SEMA3B: variants seen among roughly 807,000 people sequenced by gnomAD.
SEMA3B encodes semaphorin 3B, also known as semaphorin-3B.
Under a neutral mutation model 77.8 loss-of-function variants are expected in SEMA3B, and 71 were observed. The ratio of observed to expected loss-of-function variants is 0.91; its 90% CI spans 0.75 to 1.11. The LOEUF (loss-of-function observed/expected upper bound fraction) is 1.11. Among genes scored for constraint, SEMA3B ranks in the 50% most tolerant of loss-of-function variants. The pLI, the probability that SEMA3B is intolerant of heterozygous loss-of-function variation, is 0.00. For missense variants in SEMA3B, 968 were observed against 1,056.8 expected (o/e 0.92, Z 1.17); for synonymous variants, 470 against 452.9 (o/e 1.04, Z -0.48).
upstream of SEMA3B, among the ~76,000 whole-genome samples, chr3:50,265,543 G>A (rs1450669586): frequency 2.0e-5 from 3 of 152,230 alleles, no homozygotes; most frequent in African/African-American, 7.2e-5. Flanking sequence ...GGCCGTGGTA[G>A]GCCATGCCAC....
upstream of SEMA3B, among the ~76,000 whole-genome samples, chr3:50,265,072 G>A (rs1411985295): frequency 1.3e-5 from 2 of 152,200 alleles, no homozygotes; most frequent in African/African-American, 4.8e-5. Context: ...TTTCAAAAAA[G>A]GTGGGCCAGG....
At chr3:50,265,396 A>G (rs1553704324), upstream of SEMA3B, among the ~76,000 whole-genome samples, 2 of 152,118 alleles carry the variant, frequency 1.3e-5, no homozygotes, top group Non-Finnish European at 2.9e-5. Flanking sequence ...CCTTCCTCAG[A>G]TGGGTGTCCC....
In SEMA3B at chr3:50,274,191, AG is replaced by A. The variant is rs1205646556; in HGVS notation, c.1137+136del. On this transcript the variant is annotated intron_variant, in intron 10 of 16. Coordinates refer to ENST00000616701, the MANE Select transcript of SEMA3B (RefSeq NM_001290060.2). This position sits in a 1 kb window ranked among gnomAD's most constrained non-coding sequence, Gnocchi z 4.7. ...GGGAAAACGTTTCCATCATAAGACA[AG>A]GCTTGTTTCCCGCCTCTGACTTCCT... 3 of 1,436,504 alleles carry A rather than the reference AG, an allele frequency of 2.1e-6. No individual in the cohort carries two copies. The African/African-American group carries it at 4.3e-5, about 21-fold the overall frequency. 89.0% of individuals were successfully genotyped at this position (1,436,504 alleles called of 1,614,324 possible).
chr3:50,274,014 G>A lies in SEMA3B; in HGVS notation c.1094G>A (p.Trp365Ter). Reference protein sequence around the residue: ...FAHKEGPMHQWVSYQGRVPYP... With the variant: ...FAHKEGPMHQ ...CACAAGGAGGGGCCCATGCACCAGT[G>A]GGTGTCATACCAGGGTCGCGTCCCC... is the stretch of plus-strand genomic sequence containing the variant. Residue 365 changes from tryptophan (W) to a stop codon, truncating the protein, a stop_gained, in exon 10 of 17, where the codon TGG becomes TAG. Coordinates refer to ENST00000616701, the MANE Select transcript of SEMA3B (RefSeq NM_001290060.2). LOFTEE classifies it high-confidence loss of function. The surrounding 1 kb of genome is among the most constrained non-coding windows in gnomAD (Gnocchi z 4.7). The A allele has an allele frequency of 6.2e-7, 1 of 1,613,644 alleles. No individual in the cohort carries two copies. The highest frequency in any genetic ancestry group is 8.5e-7 in the Non-Finnish European group (1 of 1,179,780).
chr3:50,271,088 G>A lies in SEMA3B; in HGVS notation c.451G>A (p.Glu151Lys), dbSNP rs1553705272. 1 of 1,579,130 alleles carries A rather than the reference G, an allele frequency of 6.3e-7. No homozygotes were observed. The highest frequency in any genetic ancestry group is 2.3e-5 in the East Asian group (1 of 43,062). ...AFVEVGHRAE[E>K]PVLRLDPGRI... ...AGTCACAACTTGCCACACCTCCCAG[G>A]AGCCCGTCCTCCGGCTGGACCCAGG... The change falls in exon 5 of 17, where the codon GAG (glutamate) becomes AAG (lysine). Residue 151 changes from glutamate (E) to lysine (K), a missense_variant and splice_region_variant. Coordinates refer to ENST00000616701, the MANE Select transcript of SEMA3B (RefSeq NM_001290060.2).
chr3:50,273,780 C>T lies in SEMA3B; in HGVS notation c.944C>T (p.Ser315Leu). ...GCAGAGGATGTGTTTCTGTTGTCCT[C>T]GCGGGACCACCGGACCCCGCTGCTC... ...DQLQDVFLLS[S>L]RDHRTPLLYA... The change falls in exon 9 of 17, where the codon TCG becomes TTG. Residue 315 changes from serine (S) to leucine (L), a missense_variant. Ser to Leu is a moderately radical substitution (Grantham distance 145). Coordinates refer to ENST00000616701, the MANE Select transcript of SEMA3B (RefSeq NM_001290060.2). The surrounding 1 kb of genome is among the most constrained non-coding windows in gnomAD (Gnocchi z 6.5). 1.3e-6 allele frequency: 2 copies of T among 1,595,392 alleles called. No individual in the cohort carries two copies. The highest frequency in any genetic ancestry group is 1.7e-6 in the Non-Finnish European group (2 of 1,173,034).
Position 50,274,420 on chromosome 3 carries a change from A to G in SEMA3B, c.1195A>G (p.Ile399Val). ...SSTKDFPDDV[I>V]QFARNHPLMY... ...CACCAAGGACTTCCCAGACGATGTC[A>G]TCCAGTTTGCGCGGAACCACCCCCT... The change falls in exon 11 of 17, where the codon ATC (isoleucine) becomes GTC (valine). Residue 399 changes from isoleucine (I) to valine (V), a missense_variant. Transcript: ENST00000616701. This position sits in a 1 kb window ranked among gnomAD's most constrained non-coding sequence, Gnocchi z 4.7. The G allele has an allele frequency of 6.6e-7, 1 of 1,510,950 alleles. No homozygotes were observed. The highest frequency in any genetic ancestry group is 8.8e-7 in the Non-Finnish European group (1 of 1,130,330). The allele number at this position is 1,510,950 out of a possible 1,614,324, so 93.6% of individuals were successfully genotyped here. A position where few individuals can be genotyped will look rare whatever the true frequency, so the allele number is the denominator to read the frequency against.
Position 50,270,483 on chromosome 3 carries a change from GA to G in SEMA3B, c.320del (p.Lys107ArgfsTer8), listed in dbSNP as rs782162378. 6.2e-7 allele frequency: 1 copy of G among 1,613,612 alleles called. No homozygotes were observed. The highest frequency in any genetic ancestry group is 2.2e-5 in the East Asian group (1 of 44,878). ...GGCGAGAGGAGTGCAACTGGGCAGGGAAGGACATTGGTGTGAGTGCCAGCTG... is the reference window on the plus strand; with the variant it reads ...GGCGAGAGGAGTGCAACTGGGCAGGGAGGACATTGGTGTGAGTGCCAGCTG... ...EWREECNWAG[K>X]DIGTECMNFV... is the part of the protein sequence containing the mutation. On this transcript the variant is annotated frameshift_variant, in exon 3 of 17. Coordinates refer to ENST00000616701, the MANE Select transcript of SEMA3B (RefSeq NM_001290060.2). LOFTEE classifies it high-confidence loss of function. The surrounding 1 kb of genome is among the most constrained non-coding windows in gnomAD (Gnocchi z 4.7).
Position 50,275,177 on chromosome 3 carries a change from A to G in SEMA3B, c.1491+124A>G. The G allele has an allele frequency of 6.8e-7, 1 of 1,459,934 alleles. No homozygotes were observed. The allele number at this position is 1,459,934 out of a possible 1,614,324, so 90.4% of individuals were successfully genotyped here. A position where few individuals can be genotyped will look rare whatever the true frequency, so the allele number is the denominator to read the frequency against. On this transcript the variant is annotated intron_variant, in intron 13 of 16. Transcript: ENST00000616701. The surrounding 1 kb of genome is among the most constrained non-coding windows in gnomAD (Gnocchi z 7.5). ...TGAGTACAGGCTCTGGCTTTGTTAGACTGTGTGACCTGAGGCGTAAGACCT... is the reference window on the plus strand; with the variant it reads ...TGAGTACAGGCTCTGGCTTTGTTAGGCTGTGTGACCTGAGGCGTAAGACCT...
At position 50,275,147 on chromosome 3, in the gene SEMA3B, G is replaced by T; in HGVS notation, c.1491+94G>T. ...GCCCCTTTTGGTAGTTTGCAGTCCC[G>T]GGTTTGAGTACAGGCTCTGGCTTTG... On this transcript the variant is annotated intron_variant, in intron 13 of 16. Coordinates refer to ENST00000616701, the MANE Select transcript of SEMA3B (RefSeq NM_001290060.2). The surrounding 1 kb of genome is among the most constrained non-coding windows in gnomAD (Gnocchi z 7.5). The T allele has an allele frequency of 6.7e-7, 1 of 1,483,784 alleles. No individual in the cohort carries two copies. Among genetic ancestry groups the T allele is most frequent in the Non-Finnish European group, 9.0e-7 (1 of 1,112,934 alleles). 91.9% of individuals were successfully genotyped at this position (1,483,784 alleles called of 1,614,324 possible).
At position 50,275,811 on chromosome 3, in the gene SEMA3B, T is replaced by A. The variant is rs1553706543; in HGVS notation, c.1812T>A (p.Thr604=). Residue 604 remains threonine (T), a synonymous_variant, in exon 16 of 17, where the codon ACT becomes ACA. Transcript: ENST00000616701. This position sits in a 1 kb window ranked among gnomAD's most constrained non-coding sequence, Gnocchi z 7.5. ...CGCTGCAGGCGCGCGTGGAGTGGAC[T>A]TTCCAGCGCGCAGGGGTGACAGCCC... ...PRSLQARVEW[T]FQRAGVTAHT... is the part of the protein sequence containing the mutation. 1 of 1,610,036 alleles carries A rather than the reference T, an allele frequency of 6.2e-7. No individual in the cohort carries two copies. The highest frequency in any genetic ancestry group is 1.3e-5 in the African/African-American group (1 of 74,902).
Position 50,272,987 on chromosome 3 carries a change from C to A in SEMA3B, c.665-311C>A, listed in dbSNP as rs1339740391. The A allele has an allele frequency of 1.2e-5, 4 of 336,354 alleles. No individual in the cohort carries two copies. In the East Asian group the frequency reaches 2.7e-4, roughly 23 times the overall value. The allele number at this position is 336,354 out of a possible 1,614,324, so 20.8% of individuals were successfully genotyped here. A position where few individuals can be genotyped will look rare whatever the true frequency, so the allele number is the denominator to read the frequency against. ...AAGGTGAAACCAGATTACCTCATCT[C>A]CCTCCTACCCCAGCCTAAGGTGCTG... On this transcript the variant is annotated intron_variant, in intron 6 of 16. Transcript: ENST00000616701.
rs932692365 is a variant in SEMA3B at position 50,274,476 on chromosome 3, G to A, written c.1251G>A (p.Gly417=). The A allele has an allele frequency of 6.5e-7, 1 of 1,550,106 alleles. No homozygotes were observed. Among genetic ancestry groups the A allele is most frequent in the South Asian group, 1.2e-5 (1 of 80,362 alleles). ...ACAACTCTGTCCTGCCCACTGGGGGGCGCCCTCTTTTCCTACAAGTTGGAG... is the reference window on the plus strand; with the variant it reads ...ACAACTCTGTCCTGCCCACTGGGGGACGCCCTCTTTTCCTACAAGTTGGAG... ...LMYNSVLPTG[G]RPLFLQVGAN... is the part of the protein sequence containing the mutation. Residue 417 remains glycine (G), a synonymous_variant, in exon 11 of 17, where the codon GGG becomes GGA. Coordinates refer to ENST00000616701, the MANE Select transcript of SEMA3B (RefSeq NM_001290060.2). The surrounding 1 kb of genome is among the most constrained non-coding windows in gnomAD (Gnocchi z 4.7).
upstream of SEMA3B, among the ~76,000 whole-genome samples, chr3:50,267,081 T>C (rs1012039614): frequency 1.3e-5 from 2 of 152,182 alleles, no homozygotes; most frequent in Non-Finnish European, 2.9e-5. The surrounding 1 kb of genome is among the most constrained non-coding windows in gnomAD (Gnocchi z 5.7). Flanking sequence ...GCTGTCATGG[T>C]AGAAGCCACT....
chr3:50,267,229 G>A (rs1559783233), upstream of SEMA3B: 1 of 152,320 alleles, frequency 6.6e-6, no homozygotes, highest in Admixed American at 6.5e-5. This position sits in a 1 kb window ranked among gnomAD's most constrained non-coding sequence, Gnocchi z 5.7. Flanking sequence ...CCGGTCCCTG[G>A]GAACTGAGGT....
At chr3:50,268,475 GCA>G (rs1181654999), upstream of SEMA3B, among the ~76,000 whole-genome samples, 1 of 152,220 alleles carries the variant, frequency 6.6e-6, no homozygotes, top group Non-Finnish European at 1.5e-5. Flanking sequence ...TGCATGGATT[GCA>G]CAGTGCCACA....
rs980263033 is a variant in SEMA3B at position 50,269,695 on chromosome 3, G to T, written c.109+346G>T. ...CTCATGCCTCCTGTATAGGAGGGTG[G>T]CCCCTGGGCAGTGGCAGTGAATAGG... On this transcript the variant is annotated intron_variant, in intron 1 of 16. Transcript: ENST00000616701. This position sits in a 1 kb window ranked among gnomAD's most constrained non-coding sequence, Gnocchi z 4.0. 2.0e-5 allele frequency among the ~76,000 whole-genome samples: 3 copies of T among 152,102 alleles called. No individual in the cohort carries two copies. The highest frequency in any genetic ancestry group is 7.2e-5 in the African/African-American group (3 of 41,414).
rs377024150 is a variant in SEMA3B at position 50,276,601 on chromosome 3, G to A, written c.2145G>A (p.Ala715=). Residue 715 remains alanine (A), a synonymous_variant, in exon 17 of 17, where the codon GCG becomes GCA. Coordinates refer to ENST00000616701, the MANE Select transcript of SEMA3B (RefSeq NM_001290060.2). The surrounding 1 kb of genome is among the most constrained non-coding windows in gnomAD (Gnocchi z 5.8). ...NSLRMCRPQP[A]LQSLPLESRR... is the part of the protein sequence containing the mutation. ...TGCGCATGTGCCGCCCGCAGCCTGC[G>A]CTGCAGTCACTGCCCCTGGAGTCGC... The A allele has an allele frequency of 5.7e-6, 9 of 1,580,582 alleles. No individual in the cohort carries two copies. Among genetic ancestry groups the A allele is most frequent in the East Asian group, 2.3e-5 (1 of 43,104 alleles).
chr3:50,274,332 C>T lies in SEMA3B; in HGVS notation c.1138-31C>T. ...CCTATCAAGCCCCCATATCTATATC[C>T]CTGCTGTGCCTCCCTTTCCCCCACC... On this transcript the variant is annotated intron_variant, in intron 10 of 16. Transcript: ENST00000616701. The surrounding 1 kb of genome is among the most constrained non-coding windows in gnomAD (Gnocchi z 4.7). The T allele has an allele frequency of 1.4e-6, 2 of 1,467,280 alleles. No homozygotes were observed. Among genetic ancestry groups the T allele is most frequent in the Non-Finnish European group, 1.8e-6 (2 of 1,096,900 alleles). 90.9% of individuals were successfully genotyped at this position (1,467,280 alleles called of 1,614,324 possible).
Sources: allele counts gnomAD v4.1 joint callset (sites outside exome capture counted in the v4.1 genomes callset), GRCh38; gene constraint gnomAD v4.1.1; non-coding constraint Gnocchi (gnomAD v3.1); transcripts MANE v1.5; gene names NCBI Gene and HGNC (gene_info 2026-07-23, HGNC 2026-07-21).